Variants in DGKI observed in about 807,000 individuals in gnomAD.
DGKI encodes the protein DAG kinase iota.
A neutral mutation model predicts 147.5 loss-of-function variants in DGKI; 55 were observed. The observed-to-expected ratio is 0.37, with a 90% CI of 0.30 to 0.47. DGKI has a LOEUF of 0.47. Among genes scored for constraint, DGKI ranks in the 20% least tolerant of loss-of-function variants. The pLI, the probability that DGKI is intolerant of heterozygous loss-of-function variation, is 1.00. For missense variants in DGKI, 1,007 were observed against 1,323.8 expected (o/e 0.76, Z 3.71); for synonymous variants, 469 against 477.1 (o/e 0.98, Z 0.22).
chr7:137,701,296 GCCCTCA>G (rs1823975278), intron 1 of DGKI, among the ~76,000 whole-genome samples: 1 of 152,132 alleles, frequency 6.6e-6, no homozygotes, highest in Non-Finnish European at 1.5e-5. Context: ...CTGGGAGTCT[GCCCTCA>G]CCACTTTTAT....
At chr7:137,589,024 G>A (rs1819516637) in intron 12 of DGKI, among the ~76,000 whole-genome samples, 1 of 152,112 alleles carries the variant, frequency 6.6e-6, no homozygotes, top group Non-Finnish European at 1.5e-5. Flanking sequence ...AAGGTATAGG[G>A]AACCCTTAAA....
At chr7:137,425,413 A>G (rs1812757858) in intron 28 of DGKI, among the ~76,000 whole-genome samples, 2 of 152,348 alleles carry the variant, frequency 1.3e-5, no homozygotes, top group Admixed American at 6.5e-5. Context: ...CACCATCATC[A>G]AAGACCAAAA....
intron 1 of DGKI, among the ~76,000 whole-genome samples, chr7:137,779,390 T>C (rs1796451867): frequency 6.6e-6 from 1 of 152,324 alleles, no homozygotes; most frequent in South Asian, 2.1e-4. Flanking sequence ...ATAAAATTTT[T>C]AGAAGAAAAC....
intron 6 of DGKI, among the ~76,000 whole-genome samples, chr7:137,642,645 C>A (rs1010505227): frequency 1.3e-5 from 2 of 152,104 alleles, no homozygotes; most frequent in Admixed American, 1.3e-4. Context: ...ATTCGGCTAA[C>A]GTTAAAGGAA....
intron 6 of DGKI, among the ~76,000 whole-genome samples, chr7:137,639,183 A>G (rs1428786024): frequency 2.6e-5 from 4 of 152,190 alleles, no homozygotes; most frequent in Admixed American, 2.6e-4. Context: ...CAAATTCAGC[A>G]ACAGAGAGAG....
intron 1 of DGKI, among the ~76,000 whole-genome samples, chr7:137,816,662 C>T (rs1458574629): frequency 6.6e-6 from 1 of 152,026 alleles, no homozygotes; most frequent in Non-Finnish European, 1.5e-5. Context: ...TAAACAAATG[C>T]ATAATATAAC....
In DGKI at chr7:137,471,229, C is replaced by T. The variant is rs116439498; in HGVS notation, c.2374-1610G>A. 2.8e-3 allele frequency among the ~76,000 whole-genome samples: 426 copies of T among 152,180 alleles called. 2 individuals carry two copies. Among genetic ancestry groups the T allele is most frequent in the African/African-American group, 9.6e-3 (400 of 41,532 alleles). On this transcript the variant is annotated intron_variant, in intron 23 of 32. Transcript: ENST00000614521. ...GGAGGCCAGGTCTCTGTGGGGAAGA[C>T]ACTGGGAGTCTGGCCCTTAATAGGG... is the stretch of plus-strand genomic sequence containing the variant.
At chr7:137,542,078 A>C (rs540149903) in intron 20 of DGKI, among the ~76,000 whole-genome samples, 1 of 152,272 alleles carries the variant, frequency 6.6e-6, no homozygotes, top group South Asian at 2.1e-4. Flanking sequence ...AAAATGATCA[A>C]AAGACTTGGA....
chr7:137,809,068 A>G (rs1305002681), intron 1 of DGKI, among the ~76,000 whole-genome samples: 1 of 152,120 alleles, frequency 6.6e-6, no homozygotes, highest in Non-Finnish European at 1.5e-5. Context: ...AGCTTCCTTG[A>G]TGATTCAGAT....
At chr7:137,759,866 C>T (rs1295202096) in intron 1 of DGKI, among the ~76,000 whole-genome samples, 2 of 151,900 alleles carry the variant, frequency 1.3e-5, no homozygotes, top group East Asian at 1.9e-4. Context: ...GAAAAAAAAA[C>T]AGAGTCTTGA....
At chr7:137,821,653 A>AG (rs936043894) in intron 1 of DGKI, among the ~76,000 whole-genome samples, 1 of 151,934 alleles carries the variant, frequency 6.6e-6, no homozygotes, top group African/African-American at 2.4e-5. Context: ...TACATCAGAA[A>AG]AAAAAAAAAG....
Position 137,700,462 on chromosome 7 carries a change from G to A in DGKI, c.402-10460C>T, listed in dbSNP as rs549275825. Among the ~76,000 whole-genome samples, 3 of 152,284 alleles carry A rather than the reference G, an allele frequency of 2.0e-5. No individual in the cohort carries two copies. The East Asian group carries it at 5.8e-4, about 29-fold the overall frequency. On this transcript the variant is annotated intron_variant, in intron 1 of 32. Coordinates refer to ENST00000614521, the MANE Select transcript of DGKI (RefSeq NM_001321708.2). ...TTTCATAGCAGATAAAGGAAGTCTA[G>A]CCTTATCAATCTCTTCTCACATTTC...
intron 18 of DGKI, 43 bp from the exon 19 acceptor site, chr7:137,571,329 T>C: frequency 7.3e-7 from 1 of 1,369,996 alleles, no homozygotes; most frequent in South Asian, 1.2e-5. Flanking sequence ...TGTCCCATCC[T>C]TCTCATGACT....
At chr7:137,693,662 A>G (rs756455800) in intron 1 of DGKI, among the ~76,000 whole-genome samples, 11 of 152,228 alleles carry the variant, frequency 7.2e-5, no homozygotes, top group Non-Finnish European at 1.0e-4. Flanking sequence ...CACAGTCTAT[A>G]TTCAAGAAAT....
chr7:137,503,810 A>G (rs910308657), intron 21 of DGKI, among the ~76,000 whole-genome samples: 10 of 152,142 alleles, frequency 6.6e-5, no homozygotes, highest in African/African-American at 2.4e-4. Context: ...ATTAAGTCCT[A>G]CCTATAAAAA....
chr7:137,687,735 C>T (rs970690645), intron 2 of DGKI, among the ~76,000 whole-genome samples: 5 of 152,198 alleles, frequency 3.3e-5, no homozygotes, highest in Admixed American at 6.5e-5. Context: ...CATCTCATAA[C>T]TCCTTACACA....
At chr7:137,670,144 T>G (rs1822791704) in intron 3 of DGKI, among the ~76,000 whole-genome samples, 1 of 152,236 alleles carries the variant, frequency 6.6e-6, no homozygotes, top group South Asian at 2.1e-4. Context: ...TGCCGTATAT[T>G]GTTTTCTTTT....
At chr7:137,493,838 T>C in intron 21 of DGKI, 1 of 698,894 alleles carries the variant, frequency 1.4e-6, no homozygotes, top group Non-Finnish European at 2.6e-6. Flanking sequence ...CTGAAATAGC[T>C]GAAATGACAG....
intron 20 of DGKI, among the ~76,000 whole-genome samples, chr7:137,522,501 C>T (rs1395507413): frequency 1.3e-5 from 2 of 152,090 alleles, no homozygotes; most frequent in Non-Finnish European, 1.5e-5. Flanking sequence ...TCAGTCAAAG[C>T]ATATTGCAAT....
Sources: allele counts gnomAD v4.1 joint callset (sites outside exome capture counted in the v4.1 genomes callset), GRCh38; gene constraint gnomAD v4.1.1; transcripts MANE v1.5; gene names NCBI Gene and HGNC (gene_info 2026-07-23, HGNC 2026-07-21).